Variants in ATP11A observed in about 807,000 individuals in gnomAD.
ATP11A encodes the protein ATPase phospholipid transporting 11A.
Under a neutral mutation model 154.4 loss-of-function variants are expected in ATP11A, and 81 were observed. The ratio of observed to expected loss-of-function variants is 0.52; its 90% confidence interval spans 0.44 to 0.63. The LOEUF is 0.63. ATP11A is among the 30% of genes least tolerant of loss of function. ATP11A has a pLI of 0.00. For synonymous variants in ATP11A, 623 were observed against 585.9 expected, an observed-to-expected ratio of 1.06 and a Z score of -0.91; for missense variants, 1,316 against 1,474.3, an observed-to-expected ratio of 0.89 and a Z score of 1.76.
chr13:112,868,858 TAC>T (rs1566596098), intron 25 of ATP11A, among the ~76,000 whole-genome samples: 1 of 152,006 alleles, frequency 6.6e-6, no homozygotes, highest in African/African-American at 2.4e-5. Context: ...TCAGGAAACT[TAC>T]AATCATGGCG....
chr13:112,791,528 G>A (rs1407637983), intron 2 of ATP11A, among the ~76,000 whole-genome samples: 1 of 152,246 alleles, frequency 6.6e-6, no homozygotes, highest in Non-Finnish European at 1.5e-5. Context: ...GGGCTGGCGG[G>A]AAGCTGCACT....
Position 112,880,405 on chromosome 13 carries a change from T to C in ATP11A, c.*10-1471T>C. On this transcript the variant is annotated intron_variant, in intron 29 of 29. Transcript: ENST00000375645. ...CGCCCCAAGCCCTCGCCCTGGCAGCTCCATGACACCCCATGCAGACTCCAA... is the reference window on the plus strand; with the variant it reads ...CGCCCCAAGCCCTCGCCCTGGCAGCCCCATGACACCCCATGCAGACTCCAA... 6.1e-6 allele frequency: 4 copies of C among 650,884 alleles called. No individual in the cohort carries two copies. The South Asian group carries it at 1.1e-4, about 17-fold the overall frequency. The allele number at this position is 650,884 out of a possible 1,614,324, so 40.3% of individuals were successfully genotyped here. A position where few individuals can be genotyped will look rare whatever the true frequency, so the allele number is the denominator to read the frequency against.
intron 1 of ATP11A, among the ~76,000 whole-genome samples, chr13:112,773,503 C>G (rs1424179450): frequency 6.6e-6 from 1 of 152,198 alleles, no homozygotes; most frequent in African/African-American, 2.4e-5. Context: ...AGTCCTTCCC[C>G]ACTCTCCCTG....
At chr13:112,878,583 G>C (rs935460777) in intron 29 of ATP11A, 30 of 517,920 alleles carry the variant, frequency 5.8e-5, no homozygotes, top group Non-Finnish European at 1.0e-5. Flanking sequence ...ACAGCTGACA[G>C]CGGAGAGCTG....
intron 1 of ATP11A, among the ~76,000 whole-genome samples, chr13:112,722,319 C>T (rs1475649185): frequency 1.4e-5 from 2 of 147,138 alleles, no homozygotes; most frequent in African/African-American, 5.0e-5. Flanking sequence ...GAGAGGGGGG[C>T]GGCCAGGGGA....
At chr13:112,700,979 C>T (rs529210362) in intron 1 of ATP11A, among the ~76,000 whole-genome samples, 210 of 152,316 alleles carry the variant, frequency 1.4e-3, no homozygotes, top group Non-Finnish European at 2.4e-3. Flanking sequence ...TCCACGTTAG[C>T]GCTGTGGGGA....
In ATP11A at chr13:112,878,164, T is replaced by C. The variant is rs904689141; in HGVS notation, c.3328-53T>C. Reference sequence around the variant, plus strand: ...TCTTCCGACCGCTTTGCCTAAATCCTCACACCTTGTTCACACACCCCTGTG... The same window carrying C: ...TCTTCCGACCGCTTTGCCTAAATCCCCACACCTTGTTCACACACCCCTGTG... On this transcript the variant is annotated intron_variant, in intron 28 of 29. Coordinates refer to ENST00000375645, the MANE Select transcript of ATP11A (RefSeq NM_015205.3). The C allele has an allele frequency of 3.9e-6, 6 of 1,543,764 alleles. No individual in the cohort carries two copies. The African/African-American group carries it at 8.2e-5, about 21-fold the overall frequency.
At position 112,886,480 on chromosome 13, in the gene ATP11A, G is replaced by T. The variant is rs1032022211; in HGVS notation, c.*4614G>T. ...GTCCTTGCATCCTACATTTCTTTAGGAAGTTACCCATTTGTAACTTTAAAA... is the reference window on the plus strand; with the variant it reads ...GTCCTTGCATCCTACATTTCTTTAGTAAGTTACCCATTTGTAACTTTAAAA... On this transcript the variant is annotated 3_prime_UTR_variant, in exon 30 of 30. Coordinates refer to ENST00000375645, the MANE Select transcript of ATP11A (RefSeq NM_015205.3). 6.6e-6 allele frequency: 1 copy of T among 152,110 alleles called. No individual in the cohort carries two copies. Among genetic ancestry groups the T allele is most frequent in the Non-Finnish European group, 1.5e-5 (1 of 68,016 alleles). 9.4% of individuals were successfully genotyped at this position (152,110 alleles called of 1,614,324 possible).
At chr13:112,714,309 A>G (rs919881362) in intron 1 of ATP11A, among the ~76,000 whole-genome samples, 8 of 151,766 alleles carry the variant, frequency 5.3e-5, no homozygotes, top group African/African-American at 1.9e-4. Flanking sequence ...TGTGTTCTCC[A>G]TCTCCTGGTC....
intron 1 of ATP11A, among the ~76,000 whole-genome samples, chr13:112,740,842 C>G (rs929534576): frequency 5.9e-5 from 9 of 152,200 alleles, no homozygotes; most frequent in Non-Finnish European, 1.2e-4. Context: ...AGAAGGCGCT[C>G]GCCATCAGGG....
chr13:112,852,226 T>C (rs2079786575), intron 18 of ATP11A, among the ~76,000 whole-genome samples: 2 of 152,192 alleles, frequency 1.3e-5, no homozygotes, highest in Non-Finnish European at 1.5e-5. Context: ...CTTCAGAAAG[T>C]TCACTGGGAG....
At chr13:112,747,782 T>C (rs1311461378) in intron 1 of ATP11A, among the ~76,000 whole-genome samples, 4 of 151,760 alleles carry the variant, frequency 2.6e-5, no homozygotes, top group Non-Finnish European at 4.4e-5. Context: ...GTTGCAGTGT[T>C]CAGAGATCAC....
intron 13 of ATP11A, among the ~76,000 whole-genome samples, chr13:112,831,778 A>G (rs1329585400): frequency 6.6e-6 from 1 of 152,246 alleles, no homozygotes; most frequent in Non-Finnish European, 1.5e-5. Context: ...GGGCAAACAC[A>G]CATGCATGCA....
chr13:112,812,691 T>G lies in ATP11A; in HGVS notation c.441+1965T>G, dbSNP rs974424366. ...TCTGTGTATCACACACGTCACCAAA[T>G]GTACTTTTAAGCATTTAAACATTTT... On this transcript the variant is annotated intron_variant, in intron 5 of 29. Coordinates refer to ENST00000375645, the MANE Select transcript of ATP11A (RefSeq NM_015205.3). Among the ~76,000 whole-genome samples, 9 of 152,374 alleles carry G rather than the reference T, an allele frequency of 5.9e-5. No homozygotes were observed. The East Asian group carries it at 1.5e-3, about 26-fold the overall frequency.
chr13:112,698,248 C>T (rs1207261897), intron 1 of ATP11A, among the ~76,000 whole-genome samples: 2 of 150,926 alleles, frequency 1.3e-5, no homozygotes, highest in East Asian at 2.0e-4. Flanking sequence ...TGGGGAGGGT[C>T]GGTGCTCTCC....
rs906570008 is a variant in ATP11A, at chr13:112,781,687, T to A, written c.40-3448T>A. Among the ~76,000 whole-genome samples the A allele has an allele frequency of 8.6e-5, 13 of 151,852 alleles. No individual in the cohort carries two copies. In the South Asian group the frequency reaches 2.7e-3, roughly 32 times the overall value. ...TCGGCTCTGTTCCTTTTGGGCAGTT[T>A]AGTCTTCCTAGAATTTGACCATGTG... On this transcript the variant is annotated intron_variant, in intron 1 of 29. Coordinates refer to ENST00000375645, the MANE Select transcript of ATP11A (RefSeq NM_015205.3).
chr13:112,748,284 G>T lies in ATP11A; in HGVS notation c.40-36851G>T, dbSNP rs559243397. Among the ~76,000 whole-genome samples the T allele has an allele frequency of 4.6e-5, 7 of 152,278 alleles. No homozygotes were observed. In the South Asian group the frequency reaches 6.2e-4, roughly 14 times the overall value. ...ATTTGTGGGACTCTCAAACTAAGAT[G>T]GGTCTTCATTACCTTCTAACTTTGG... is the stretch of plus-strand genomic sequence containing the variant. On this transcript the variant is annotated intron_variant, in intron 1 of 29. Coordinates refer to ENST00000375645, the MANE Select transcript of ATP11A (RefSeq NM_015205.3).
intron 2 of ATP11A, among the ~76,000 whole-genome samples, chr13:112,788,209 C>T (rs533417336): frequency 6.6e-6 from 1 of 151,238 alleles, no homozygotes; most frequent in Non-Finnish European, 1.5e-5. Context: ...CCTGTGGAGA[C>T]CTACTTAATT....
chr13:112,863,624 C>G (rs1341083327), intron 25 of ATP11A, among the ~76,000 whole-genome samples: 2,263 of 107,762 alleles, frequency 0.021, no homozygotes, highest in Middle Eastern at 0.062. Flanking sequence ...TCACCACCTG[C>G]ACAGTAATTC....
Sources: allele counts gnomAD v4.1 joint callset (sites outside exome capture counted in the v4.1 genomes callset), GRCh38; gene constraint gnomAD v4.1.1; transcripts MANE v1.5; gene names NCBI Gene and HGNC (gene_info 2026-07-23, HGNC 2026-07-21).